Variants in FCHO2 observed in about 807,000 individuals in gnomAD.
FCHO2 encodes F-BAR domain only protein 2.
In FCHO2, 43 loss-of-function variants were observed where a neutral mutation model predicts 114.1. That is an observed-to-expected ratio of 0.38 (90% confidence interval 0.30 to 0.49). The LOEUF (loss-of-function observed/expected upper bound fraction) is 0.49, where lower values mean the gene tolerates loss of function less well. Among genes scored for constraint, FCHO2 ranks in the 20% least tolerant of loss-of-function variants. FCHO2 has a pLI of 0.97. For synonymous variants in FCHO2, 293 were observed against 315.2 expected (o/e 0.93, Z 0.75); for missense variants, 807 against 950.4 (o/e 0.85, Z 1.98).
chr5:73,037,772 TTG>T, intron 10 of FCHO2: 2 of 388,282 alleles, frequency 5.2e-6, no homozygotes, highest in Non-Finnish European at 5.0e-6. Flanking sequence ...TTTTTTTTTT[TTG>T]AGATGGAGTT....
intron 11 of FCHO2, among the ~76,000 whole-genome samples, chr5:73,049,104 C>T (rs1324971980): frequency 6.6e-6 from 1 of 151,806 alleles, no homozygotes; most frequent in Non-Finnish European, 1.5e-5. Context: ...TCTCGATCTC[C>T]TGACCTCGTG....
rs1195924274 is a variant in FCHO2, at chr5:72,993,761, T to C, written c.495+2897T>C. Among the ~76,000 whole-genome samples the C allele has an allele frequency of 3.3e-5, 5 of 152,338 alleles. No individual in the cohort carries two copies. The South Asian group carries it at 8.3e-4, about 25-fold the overall frequency. ...CCATTTGAGGAAGTAATGGCTTTGA[T>C]TATTTTCTGAAAATCTTTTAGTGAT... On this transcript the variant is annotated intron_variant, in intron 5 of 25. Coordinates refer to ENST00000430046, the MANE Select transcript of FCHO2 (RefSeq NM_138782.3).
At chr5:72,970,604 C>T (rs1356235221) in intron 2 of FCHO2, among the ~76,000 whole-genome samples, 1 of 151,774 alleles carries the variant, frequency 6.6e-6, no homozygotes, top group Non-Finnish European at 1.5e-5. Context: ...TGTCAAAATC[C>T]TATCTTTTTC....
chr5:73,075,240 A>G (rs1346032792), intron 20 of FCHO2, among the ~76,000 whole-genome samples: 1 of 152,194 alleles, frequency 6.6e-6, no homozygotes, highest in Non-Finnish European at 1.5e-5. Flanking sequence ...AGAGAATAAC[A>G]TTAGATAGAG....
rs932768897 is a variant in FCHO2 at position 73,006,433 on chromosome 5, A to G, written c.496-12A>G. 2.7e-6 allele frequency: 4 copies of G among 1,462,022 alleles called. No individual in the cohort carries two copies. The highest frequency in any genetic ancestry group is 3.6e-6 in the Non-Finnish European group (4 of 1,108,432). The allele number at this position is 1,462,022 out of a possible 1,614,324, so 90.6% of individuals were successfully genotyped here. ...TGCACAGTTAAAAGTTTTTTATTTT[A>G]TTTTATTACAGGCAGCTGTTAAATC... On this transcript the variant is annotated splice_polypyrimidine_tract_variant and intron_variant, in intron 5 of 25. Transcript: ENST00000430046.
At chr5:73,059,946 T>C (rs1030239828) in intron 17 of FCHO2, among the ~76,000 whole-genome samples, 11 of 152,048 alleles carry the variant, frequency 7.2e-5, no homozygotes, top group Admixed American at 2.6e-4. Flanking sequence ...TTTTCGAATT[T>C]TGTTAATATC....
chr5:73,017,193 C>A lies in FCHO2; in HGVS notation c.700-19C>A. The A allele has an allele frequency of 1.5e-6, 2 of 1,363,512 alleles. No homozygotes were observed. Among genetic ancestry groups the A allele is most frequent in the South Asian group, 1.5e-5 (1 of 66,738 alleles). 84.5% of individuals were successfully genotyped at this position (1,363,512 alleles called of 1,614,324 possible). A position where few individuals can be genotyped will look rare whatever the true frequency, so the allele number is the denominator to read the frequency against. The stretch of plus-strand genomic sequence containing the variant: ...AGAATGTGGAAAAAGAAAAAGTTAT[C>A]TTTATTTCATTTTAATAGGTCCATG... On this transcript the variant is annotated intron_variant, in intron 7 of 25. Transcript: ENST00000430046.
At position 73,060,424 on chromosome 5, in the gene FCHO2, A is replaced by G. The variant is rs190361545; in HGVS notation, c.1345+1900A>G. On this transcript the variant is annotated intron_variant, in intron 17 of 25. Transcript: ENST00000430046. The stretch of plus-strand genomic sequence containing the variant: ...TATAATTGATCAAACTAATTAATTC[A>G]TAATTGCGATTCTCCTGTTTTACAG... 3.6e-4 allele frequency among the ~76,000 whole-genome samples: 55 copies of G among 152,238 alleles called. No homozygotes were observed. The East Asian group carries it at 9.4e-3, about 26-fold the overall frequency.
intron 8 of FCHO2, among the ~76,000 whole-genome samples, chr5:73,018,492 G>T (rs966769709): frequency 6.6e-6 from 1 of 151,316 alleles, no homozygotes. Flanking sequence ...TAAGGATCTC[G>T]AGCTGACCAG....
At chr5:73,027,457 C>T (rs1756001126) in intron 8 of FCHO2, among the ~76,000 whole-genome samples, 1 of 149,656 alleles carries the variant, frequency 6.7e-6, no homozygotes, top group South Asian at 2.1e-4. Flanking sequence ...ATGTGTTATG[C>T]TTTTGTGTCA....
intron 3 of FCHO2, 81 bp from the exon 4 acceptor site, chr5:72,990,397 T>G: frequency 8.9e-7 from 1 of 1,127,626 alleles, no homozygotes; most frequent in African/African-American, 1.6e-5. Context: ...ATACCACTAT[T>G]ATTTCCACTG....
chr5:72,982,635 T>C (rs1312082939), intron 2 of FCHO2, among the ~76,000 whole-genome samples: 1 of 152,154 alleles, frequency 6.6e-6, no homozygotes, highest in Admixed American at 6.5e-5. Flanking sequence ...CAAGGTCTGG[T>C]GTATTGGAGT....
intron 5 of FCHO2, among the ~76,000 whole-genome samples, chr5:72,997,843 C>CT (rs1242202465): frequency 6.6e-6 from 1 of 152,316 alleles, no homozygotes; most frequent in Admixed American, 6.5e-5. Context: ...CAGCCTCACT[C>CT]TAACTTCGTG....
intron 2 of FCHO2, among the ~76,000 whole-genome samples, chr5:72,976,825 C>T (rs1752915557): frequency 6.6e-6 from 1 of 150,784 alleles, no homozygotes; most frequent in South Asian, 2.1e-4. Context: ...GTTCCCCTCC[C>T]TGTGTCCATG....
intron 1 of FCHO2, among the ~76,000 whole-genome samples, chr5:72,968,107 G>T (rs1478468688): frequency 6.6e-6 from 1 of 151,696 alleles, no homozygotes; most frequent in South Asian, 2.1e-4. Flanking sequence ...TGTATTTTAA[G>T]TAGAGACGGG....
intron 5 of FCHO2, among the ~76,000 whole-genome samples, chr5:73,002,153 A>C (rs1337321569): frequency 1.3e-5 from 2 of 152,190 alleles, no homozygotes; most frequent in Non-Finnish European, 2.9e-5. Context: ...ACCAGGATTT[A>C]TAGTGAGAAT....
chr5:72,995,381 G>T (rs1046208868), intron 5 of FCHO2, among the ~76,000 whole-genome samples: 1 of 151,730 alleles, frequency 6.6e-6, no homozygotes, highest in Admixed American at 6.6e-5. Context: ...TCAGCCTCCC[G>T]AGTAGTTGGG....
At chr5:73,049,115 A>T (rs1387747358) in intron 11 of FCHO2, among the ~76,000 whole-genome samples, 7 of 151,762 alleles carry the variant, frequency 4.6e-5, no homozygotes, top group Non-Finnish European at 1.0e-4. Flanking sequence ...TGACCTCGTG[A>T]TCCGCCCGCC....
intron 23 of FCHO2, 30 bp downstream of exon 23, chr5:73,082,012 A>T (rs1283772682): frequency 1.4e-6 from 2 of 1,399,852 alleles, no homozygotes; most frequent in Non-Finnish European, 1.9e-6. Context: ...CTGAATTCCC[A>T]CTAAATTTTT....
Sources: gnomAD v4.1 joint callset for allele counts (sites outside exome capture counted in the v4.1 genomes callset) on GRCh38, gnomAD v4.1.1 for gene constraint, MANE v1.5 for transcripts, NCBI Gene and HGNC (gene_info 2026-07-23, HGNC 2026-07-21) for gene names.